The following SLC39A11 variants were observed in gnomAD, a reference collection of about 807,000 sequenced individuals.
The protein encoded by SLC39A11 is zinc transporter ZIP11.
In SLC39A11, 33 loss-of-function variants were observed where a neutral mutation model predicts 36.1. The observed-to-expected ratio is 0.91, with a 90% CI of 0.69 to 1.22. SLC39A11 has a LOEUF of 1.22. SLC39A11 is among the 50% of genes most tolerant of loss of function. SLC39A11 has a pLI of 0.00. For missense variants in SLC39A11, 432 were observed against 430.3 expected (o/e 1.00, Z -0.03); for synonymous variants, 166 against 170.3 (o/e 0.97, Z 0.20).
At chr17:72,850,589 A>G (rs2079262447) in intron 5 of SLC39A11, among the ~76,000 whole-genome samples, 1 of 152,224 alleles carries the variant, frequency 6.6e-6, no homozygotes, top group African/African-American at 2.4e-5. Context: ...AGTCATGATT[A>G]GAGACACAGA....
At chr17:72,696,685 C>G (rs143856902) in intron 7 of SLC39A11, among the ~76,000 whole-genome samples, 234 of 152,304 alleles carry the variant, frequency 1.5e-3, no homozygotes, top group African/African-American at 4.7e-3. Context: ...CAGGGAACTT[C>G]CAATGTATCC....
chr17:73,088,447 AG>A (rs1010235694), intron 2 of SLC39A11, among the ~76,000 whole-genome samples: 3 of 152,152 alleles, frequency 2.0e-5, no homozygotes, highest in Admixed American at 2.0e-4. Flanking sequence ...TGGTGCATGA[AG>A]GTGTCTACAG....
chr17:73,033,292 C>G (rs188648311), intron 3 of SLC39A11, among the ~76,000 whole-genome samples: 19 of 152,272 alleles, frequency 1.2e-4, no homozygotes, highest in African/African-American at 4.6e-4. Context: ...GGACCTCTGC[C>G]ATAGGCAGTA....
intron 7 of SLC39A11, among the ~76,000 whole-genome samples, chr17:72,673,676 G>A (rs1235038416): frequency 6.6e-6 from 1 of 152,018 alleles, no homozygotes; most frequent in Non-Finnish European, 1.5e-5. Flanking sequence ...GTTACTGCTT[G>A]TATTCCATTT....
intron 5 of SLC39A11, among the ~76,000 whole-genome samples, chr17:72,928,593 T>C (rs534339005): frequency 1.3e-5 from 2 of 152,186 alleles, no homozygotes; most frequent in South Asian, 4.2e-4. Flanking sequence ...GGCTGTGGCT[T>C]TGAAGGAAAA....
At chr17:73,062,475 A>AAAAAAAAAAACAAAAAAC (rs56021607) in intron 3 of SLC39A11, among the ~76,000 whole-genome samples, 1 of 87,034 alleles carries the variant, frequency 1.1e-5, no homozygotes, top group African/African-American at 4.6e-5. Context: ...AAAAAAAAAA[A>AAAAAAAAAAACAAAAAAC]AAACTTTAGG....
At chr17:72,902,116 A>G (rs2082418138) in intron 5 of SLC39A11, among the ~76,000 whole-genome samples, 1 of 152,102 alleles carries the variant, frequency 6.6e-6, no homozygotes, top group African/African-American at 2.4e-5. Context: ...TACTAAAAAT[A>G]CAAAATTAGC....
chr17:73,021,944 C>CGT (rs766575752), intron 4 of SLC39A11, among the ~76,000 whole-genome samples: 21 of 152,202 alleles, frequency 1.4e-4, no homozygotes, highest in South Asian at 4.1e-4. Context: ...CCACGCAGTG[C>CGT]GTGTGTGTGT....
intron 7 of SLC39A11, among the ~76,000 whole-genome samples, chr17:72,732,777 T>C (rs553955652): frequency 6.6e-6 from 1 of 152,350 alleles, no homozygotes; most frequent in East Asian, 1.9e-4. Context: ...ACTTTATGTT[T>C]GTTCCTGCTA....
At chr17:72,662,541 GAAAGAAAAGAAA>G (rs369429556) in intron 7 of SLC39A11, among the ~76,000 whole-genome samples, 28,586 of 109,642 alleles carry the variant, frequency 0.26, 3,652 homozygotes, top group African/African-American at 0.42. Context: ...AAGAGAGAAA[GAAAGAAAAGAAA>G]AAAGAAAAGA....
In SLC39A11 at chr17:72,907,207, G is replaced by A. The variant is rs143755862; in HGVS notation, c.430+40545C>T. On this transcript the variant is annotated intron_variant, in intron 5 of 9. Transcript: ENST00000255559. ...ACACCATCAGAAATGAATGAGTCAC[G>A]CGCTGGGTGCGGGGGCTCAGAACTG... is the stretch of plus-strand genomic sequence containing the variant. Among the ~76,000 whole-genome samples the A allele has an allele frequency of 6.8e-4, 104 of 152,276 alleles. 1 individual carries two copies. The highest frequency in any genetic ancestry group is 2.4e-3 in the African/African-American group (99 of 41,566).
intron 7 of SLC39A11, among the ~76,000 whole-genome samples, chr17:72,651,358 C>A (rs73343573): frequency 0.042 from 6,347 of 152,024 alleles, 404 homozygotes; most frequent in African/African-American, 0.14. Flanking sequence ...CCCTGCTATC[C>A]CAATTCCCAA....
At chr17:72,853,432 C>T (rs1288994491) in intron 5 of SLC39A11, among the ~76,000 whole-genome samples, 2 of 152,030 alleles carry the variant, frequency 1.3e-5, no homozygotes, top group Admixed American at 6.6e-5. Context: ...CCGACAGTTG[C>T]GCTTGTTTTT....
chr17:72,834,287 C>G (rs895663865), intron 6 of SLC39A11, among the ~76,000 whole-genome samples: 1 of 152,142 alleles, frequency 6.6e-6, no homozygotes, highest in Non-Finnish European at 1.5e-5. Context: ...TAGAGAACTA[C>G]AGGTGGCCAG....
intron 5 of SLC39A11, among the ~76,000 whole-genome samples, chr17:72,907,477 G>A (rs570885381): frequency 6.6e-6 from 1 of 152,308 alleles, no homozygotes; most frequent in African/African-American, 2.4e-5. Context: ...GTGACAGAGT[G>A]ACGGAGCGAG....
intron 4 of SLC39A11, among the ~76,000 whole-genome samples, chr17:72,959,285 G>A (rs1188426377): frequency 6.9e-6 from 1 of 144,278 alleles, no homozygotes; most frequent in Non-Finnish European, 1.5e-5. Flanking sequence ...ATCAGTCAAT[G>A]AGTGGACAAA....
chr17:72,809,225 CTCTT>C (rs1327446030), intron 6 of SLC39A11, among the ~76,000 whole-genome samples: 1 of 150,922 alleles, frequency 6.6e-6, no homozygotes, highest in Non-Finnish European at 1.5e-5. Context: ...CTCTCTCTCT[CTCTT>C]TCTTTCTGCC....
chr17:72,934,543 G>A (rs978546392), intron 5 of SLC39A11, among the ~76,000 whole-genome samples: 2 of 152,134 alleles, frequency 1.3e-5, no homozygotes, highest in African/African-American at 4.8e-5. Context: ...GCGTGTGCCT[G>A]TAGTCCCAGC....
chr17:72,670,131 G>T (rs181761283), intron 7 of SLC39A11, among the ~76,000 whole-genome samples: 14 of 148,714 alleles, frequency 9.4e-5, no homozygotes. Flanking sequence ...GTTTTGTAGA[G>T]ATACGTATAC....
Sources: gnomAD v4.1 joint callset for allele counts (sites outside exome capture counted in the v4.1 genomes callset) on GRCh38, gnomAD v4.1.1 for gene constraint, MANE v1.5 for transcripts, NCBI Gene and HGNC (gene_info 2026-07-23, HGNC 2026-07-21) for gene names.